Variants in CACHD1 observed in about 807,000 individuals in gnomAD.
CACHD1 encodes cache domain containing 1.
In CACHD1, 71 loss-of-function variants were observed where a neutral mutation model predicts 138.7. The ratio of observed to expected loss-of-function variants is 0.51; its 90% confidence interval spans 0.42 to 0.62. The LOEUF (loss-of-function observed/expected upper bound fraction) is 0.62, where lower values mean the gene tolerates loss of function less well. CACHD1 is among the 20% of genes least tolerant of loss of function. The pLI, the probability that CACHD1 is intolerant of heterozygous loss-of-function variation, is 0.00. For synonymous variants in CACHD1, 578 were observed against 591.5 expected (o/e 0.98, Z 0.33); for missense variants, 1,389 against 1,625.3 (o/e 0.85, Z 2.50).
Position 64,566,485 on chromosome 1 carries a change from C to T in CACHD1, c.262-15671C>T, listed in dbSNP as rs1454137081. ...TCCACTGTATGTTTTCAATTCCCCC[C>T]CCCCCACAAGGTATGGGGGAAGTAC... On this transcript the variant is annotated intron_variant, in intron 2 of 26. Coordinates refer to ENST00000651257, the MANE Select transcript of CACHD1 (RefSeq NM_020925.4). Among the ~76,000 whole-genome samples the T allele has an allele frequency of 2.8e-5, 4 of 142,752 alleles. 1 individual carries two copies. The highest frequency in any genetic ancestry group is 6.4e-5 in the Non-Finnish European group (4 of 62,154). The allele number at this position is 142,752 out of a possible 152,430, so 93.7% of individuals were successfully genotyped here.
chr1:64,650,781 C>G (rs1207245590), intron 9 of CACHD1, among the ~76,000 whole-genome samples: 1 of 152,178 alleles, frequency 6.6e-6, no homozygotes, highest in Non-Finnish European at 1.5e-5. Flanking sequence ...TGATAGACAT[C>G]AAGCGCAGGA....
At chr1:64,493,467 A>T (rs1646289726) in intron 1 of CACHD1, among the ~76,000 whole-genome samples, 1 of 152,180 alleles carries the variant, frequency 6.6e-6, no homozygotes, top group Admixed American at 6.5e-5. Flanking sequence ...TGTGCTTCCT[A>T]TTTCTAAAGA....
intron 2 of CACHD1, among the ~76,000 whole-genome samples, chr1:64,571,872 G>A (rs532759017): frequency 4.6e-5 from 7 of 152,318 alleles, no homozygotes; most frequent in African/African-American, 1.4e-4. Flanking sequence ...GGAGAAGAGA[G>A]TCTGGGCTCT....
Position 64,691,546 on chromosome 1 carries a change from C to T in CACHD1, c.3810C>T (p.Val1270=), listed in dbSNP as rs1650558587. ...HLQAAVTVHT[V]DAEC is the part of the protein sequence containing the mutation. ...AGGCGGCCGTCACGGTACACACTGT[C>T]GATGCAGAATGCTAACAATCTCCTC... Residue 1270 remains valine (V), a synonymous_variant, in exon 27 of 27, where the codon GTC becomes GTT. Coordinates refer to ENST00000651257, the MANE Select transcript of CACHD1 (RefSeq NM_020925.4). 5 of 1,613,414 alleles carry T rather than the reference C, an allele frequency of 3.1e-6. No homozygotes were observed. Among genetic ancestry groups the T allele is most frequent in the South Asian group, 2.2e-5 (2 of 91,060 alleles).
intron 1 of CACHD1, among the ~76,000 whole-genome samples, chr1:64,498,468 A>G (rs1372006896): frequency 6.6e-6 from 1 of 152,196 alleles, no homozygotes; most frequent in African/African-American, 2.4e-5. Context: ...ACTTTTGTGC[A>G]GGGAGGCGCC....
At chr1:64,472,862 C>A (rs1367736174) in intron 1 of CACHD1, among the ~76,000 whole-genome samples, 3 of 151,208 alleles carry the variant, frequency 2.0e-5, no homozygotes, top group Non-Finnish European at 1.5e-5. Flanking sequence ...CCTATCCCGC[C>A]CCCCCACGCC....
chr1:64,567,697 GT>G (rs1034390033), intron 2 of CACHD1, among the ~76,000 whole-genome samples: 3 of 152,082 alleles, frequency 2.0e-5, no homozygotes, highest in African/African-American at 7.2e-5. Flanking sequence ...ATGCTGTGTT[GT>G]TTTTCATACT....
At chr1:64,479,961 A>G (rs909314836) in intron 1 of CACHD1, among the ~76,000 whole-genome samples, 5 of 152,190 alleles carry the variant, frequency 3.3e-5, no homozygotes, top group Non-Finnish European at 7.3e-5. Context: ...TCAGACTCAG[A>G]CACTTCAGCA....
chr1:64,491,047 C>T (rs540633971), intron 1 of CACHD1, among the ~76,000 whole-genome samples: 1 of 152,216 alleles, frequency 6.6e-6, no homozygotes, highest in South Asian at 2.1e-4. Flanking sequence ...ATAATTGAAC[C>T]TGTCTAAAAT....
chr1:64,552,170 G>A (rs956027208), intron 2 of CACHD1, among the ~76,000 whole-genome samples: 1 of 151,382 alleles, frequency 6.6e-6, no homozygotes, highest in Non-Finnish European at 1.5e-5. Context: ...CACCCCCTTT[G>A]CACTGATGTC....
At chr1:64,623,471 AGCCTGTG>A (rs11276696) in intron 4 of CACHD1, among the ~76,000 whole-genome samples, 147,577 of 151,982 alleles carry the variant, frequency 0.97, 71,817 homozygotes, top group East Asian at 1. Context: ...AGATCATCCC[AGCCTGTG>A]GCCTGTGTGC....
chr1:64,592,421 C>T (rs1174725041), intron 3 of CACHD1, among the ~76,000 whole-genome samples: 2 of 152,046 alleles, frequency 1.3e-5, no homozygotes, highest in Non-Finnish European at 2.9e-5. Context: ...CAGTCTGTGG[C>T]AAATGTCATA....
At chr1:64,545,107 T>A (rs1415315306) in intron 1 of CACHD1, among the ~76,000 whole-genome samples, 1 of 152,218 alleles carries the variant, frequency 6.6e-6, no homozygotes, top group Non-Finnish European at 1.5e-5. Context: ...AGTCTTGCCC[T>A]TCCTTTTTAA....
chr1:64,618,528 A>G (rs1647794513), intron 4 of CACHD1, among the ~76,000 whole-genome samples: 1 of 152,208 alleles, frequency 6.6e-6, no homozygotes, highest in Non-Finnish European at 1.5e-5. Context: ...CAAGTGTTCA[A>G]TATGCTTACC....
Position 64,614,390 on chromosome 1 carries a change from G to C in CACHD1, c.517+11478G>C, listed in dbSNP as rs150370797. On this transcript the variant is annotated intron_variant, in intron 4 of 26. Coordinates refer to ENST00000651257, the MANE Select transcript of CACHD1 (RefSeq NM_020925.4). ...AACACCTGGCTGGACACCTGTCTGTGTGTTGCTTTTCTTTTTGTGGTCTAG... is the reference window on the plus strand; with the variant it reads ...AACACCTGGCTGGACACCTGTCTGTCTGTTGCTTTTCTTTTTGTGGTCTAG... Among the ~76,000 whole-genome samples the C allele has an allele frequency of 2.6e-5, 4 of 152,088 alleles. No individual in the cohort carries two copies. The East Asian group carries it at 7.7e-4, about 29-fold the overall frequency.
intron 1 of CACHD1, among the ~76,000 whole-genome samples, chr1:64,498,234 T>A (rs749634899): frequency 9.2e-5 from 14 of 152,148 alleles, no homozygotes; most frequent in Non-Finnish European, 1.5e-4. Context: ...CATAGGGGAC[T>A]CACAACAGCA....
At chr1:64,666,873 C>T (rs1329114268) in intron 16 of CACHD1, among the ~76,000 whole-genome samples, 3 of 71,732 alleles carry the variant, frequency 4.2e-5, no homozygotes, top group African/African-American at 1.0e-4. Context: ...AAAAAAAAAA[C>T]GAGAAAGAAA....
chr1:64,546,125 T>A (rs546159201), intron 1 of CACHD1, among the ~76,000 whole-genome samples: 1 of 152,194 alleles, frequency 6.6e-6, no homozygotes, highest in African/African-American at 2.4e-5. Context: ...TCTGACTCCC[T>A]TGGGGTTGTG....
At chr1:64,663,968 G>A (rs1015556353) in intron 14 of CACHD1, 131 bp downstream of exon 14, 2 of 1,210,300 alleles carry the variant, frequency 1.7e-6, no homozygotes, top group Non-Finnish European at 2.3e-6. Flanking sequence ...GCTGCAGAGT[G>A]TGTGGCCCAG....
Sources: gnomAD v4.1 joint callset for allele counts (sites outside exome capture counted in the v4.1 genomes callset) on GRCh38, gnomAD v4.1.1 for gene constraint, MANE v1.5 for transcripts, NCBI Gene and HGNC (gene_info 2026-07-23, HGNC 2026-07-21) for gene names.